The following DCC variants were observed in gnomAD, a reference collection of about 807,000 sequenced individuals.
The protein encoded by DCC is netrin receptor DCC.
DCC carries 58 observed loss-of-function variants against 172.5 expected under a neutral mutation model. The ratio of observed to expected loss-of-function variants is 0.34; its 90% confidence interval spans 0.27 to 0.42. The LOEUF is 0.42. Among genes scored for constraint, DCC ranks in the 10% least tolerant of loss-of-function variants. DCC has a pLI of 1.00. For missense variants in DCC, 1,740 were observed against 1,791.0 expected, an observed-to-expected ratio of 0.97 and a Z score of 0.51; for synonymous variants, 709 against 644.5, an observed-to-expected ratio of 1.10 and a Z score of -1.52.
intron 1 of DCC, among the ~76,000 whole-genome samples, chr18:52,692,436 T>C (rs868082886): frequency 9.2e-5 from 14 of 152,150 alleles, no homozygotes; most frequent in Non-Finnish European, 1.9e-4. Context: ...AGTCTCTCTC[T>C]GTATTTTATT....
intron 1 of DCC, among the ~76,000 whole-genome samples, chr18:52,345,338 A>C: frequency 6.6e-6 from 1 of 152,228 alleles, no homozygotes; most frequent in East Asian, 1.9e-4. Context: ...AGTAAATACT[A>C]TGCACATTTA....
At chr18:53,250,019 C>T (rs2056410190) in intron 12 of DCC, among the ~76,000 whole-genome samples, 3 of 152,012 alleles carry the variant, frequency 2.0e-5, no homozygotes, top group East Asian at 1.9e-4. Context: ...TAAGGCTCTT[C>T]GTGAAGATCT....
chr18:52,941,529 C>T (rs965936963), intron 5 of DCC, among the ~76,000 whole-genome samples: 48 of 149,776 alleles, frequency 3.2e-4, no homozygotes, highest in Non-Finnish European at 3.4e-4. Flanking sequence ...CACTTGTATG[C>T]ATATATGTAA....
chr18:52,740,021 C>T (rs1323070628), intron 1 of DCC, among the ~76,000 whole-genome samples: 1 of 152,084 alleles, frequency 6.6e-6, no homozygotes, highest in Non-Finnish European at 1.5e-5. Flanking sequence ...ATGCAGTAAG[C>T]CCTTTTAAGT....
At chr18:52,778,402 T>C (rs1371195569) in intron 2 of DCC, among the ~76,000 whole-genome samples, 1 of 152,224 alleles carries the variant, frequency 6.6e-6, no homozygotes, top group Admixed American at 6.5e-5. Flanking sequence ...AATGCCTATT[T>C]CACTATTAAA....
At chr18:53,060,462 C>G (rs2042477792) in intron 5 of DCC, among the ~76,000 whole-genome samples, 1 of 152,018 alleles carries the variant, frequency 6.6e-6, no homozygotes, top group Non-Finnish European at 1.5e-5. Context: ...ATAAAGATAT[C>G]AAGATAGCCA....
chr18:52,794,596 T>C (rs1403806448), intron 2 of DCC, among the ~76,000 whole-genome samples: 1 of 152,072 alleles, frequency 6.6e-6, no homozygotes, highest in African/African-American at 2.4e-5. Context: ...GGGATGATTG[T>C]TCTTTCTTTT....
intron 6 of DCC, chr18:53,063,738 A>G (rs551805208): frequency 5.4e-6 from 2 of 367,320 alleles, no homozygotes; most frequent in East Asian, 6.5e-5. Flanking sequence ...AGTATTTCTG[A>G]GTAGTTTCAC....
At chr18:53,373,459 G>T (rs1327481729) in intron 15 of DCC, among the ~76,000 whole-genome samples, 1 of 152,044 alleles carries the variant, frequency 6.6e-6, no homozygotes, top group African/African-American at 2.4e-5. Flanking sequence ...TTGGCCAGAA[G>T]CTATATTTAT....
Position 52,923,867 on chromosome 18 carries a change from A to G in DCC, c.848+10A>G. 1 of 1,609,468 alleles carries G rather than the reference A, an allele frequency of 6.2e-7. No homozygotes were observed. The highest frequency in any genetic ancestry group is 2.2e-5 in the East Asian group (1 of 44,814). On this transcript the variant is annotated intron_variant, in intron 4 of 28. Coordinates refer to ENST00000442544, the MANE Select transcript of DCC (RefSeq NM_005215.4). ...AAGTCATCCAACTCAGGTATTTCACATTTAAGACTTTTTTGTAAAGTGTAC... is the reference window on the plus strand; with the variant it reads ...AAGTCATCCAACTCAGGTATTTCACGTTTAAGACTTTTTTGTAAAGTGTAC...
intron 5 of DCC, among the ~76,000 whole-genome samples, chr18:52,968,870 T>G (rs1289989173): frequency 6.6e-6 from 1 of 152,202 alleles, no homozygotes; most frequent in Non-Finnish European, 1.5e-5. Context: ...TATTTGCTGT[T>G]TATCTGAAAT....
At chr18:52,451,150 A>C (rs1988291242) in intron 1 of DCC, among the ~76,000 whole-genome samples, 1 of 152,122 alleles carries the variant, frequency 6.6e-6, no homozygotes, top group African/African-American at 2.4e-5. Flanking sequence ...CCAGACCCAA[A>C]GTATGTCTTT....
intron 3 of DCC, among the ~76,000 whole-genome samples, chr18:52,912,959 G>T (rs2039992080): frequency 6.6e-6 from 1 of 151,998 alleles, no homozygotes; most frequent in African/African-American, 2.4e-5. Context: ...ATATGAGATT[G>T]TTCTATTTTT....
intron 1 of DCC, among the ~76,000 whole-genome samples, chr18:52,404,300 T>A (rs1264498762): frequency 1.3e-5 from 2 of 152,000 alleles, no homozygotes; most frequent in Non-Finnish European, 2.9e-5. Context: ...CTTCCATAGG[T>A]CAGGCTGACT....
chr18:53,376,466 T>C (rs924172708), intron 15 of DCC, among the ~76,000 whole-genome samples: 5 of 152,214 alleles, frequency 3.3e-5, no homozygotes, highest in Admixed American at 1.3e-4. Flanking sequence ...CTAAATGTGA[T>C]GATGAAAGCT....
chr18:52,624,770 GGGCATA>G (rs1241747436), intron 1 of DCC, among the ~76,000 whole-genome samples: 2 of 152,120 alleles, frequency 1.3e-5, no homozygotes, highest in Non-Finnish European at 2.9e-5. Flanking sequence ...AGAGGCACAG[GGGCATA>G]GGCAGGCTTT....
At position 53,130,700 on chromosome 18, in the gene DCC, T is replaced by C. The variant is rs2144317935; in HGVS notation, c.1262-26656T>C. ...TGTATTATCAGGCTGTCCTGGGATC[T>C]GTAGGGTGGGTCCTTTGCTTCCCAA... On this transcript the variant is annotated intron_variant, in intron 7 of 28. Transcript: ENST00000442544. Among the ~76,000 whole-genome samples, 3 of 152,262 alleles carry C rather than the reference T, an allele frequency of 2.0e-5. No individual in the cohort carries two copies. The South Asian group carries it at 6.2e-4, about 32-fold the overall frequency.
In DCC at chr18:53,486,238, C is replaced by A. The variant is rs147801690; in HGVS notation, c.3737-559C>A. Among the ~76,000 whole-genome samples the A allele has an allele frequency of 4.5e-3, 687 of 152,212 alleles. 10 individuals carry two copies. The highest frequency in any genetic ancestry group is 0.014 in the Middle Eastern group (4 of 294). ...AAACATTCAGTTACACTTAATATGT[C>A]ACTCACCTGCACTGATTTGGGTATT... On this transcript the variant is annotated intron_variant, in intron 25 of 28. Transcript: ENST00000442544.
At chr18:53,053,739 C>T (rs1486298009) in intron 5 of DCC, among the ~76,000 whole-genome samples, 1 of 152,090 alleles carries the variant, frequency 6.6e-6, no homozygotes, top group African/African-American at 2.4e-5. Flanking sequence ...TGTCAGTATG[C>T]ATTGTTTGGG....
Sources: allele counts gnomAD v4.1 joint callset (sites outside exome capture counted in the v4.1 genomes callset), GRCh38; gene constraint gnomAD v4.1.1; transcripts MANE v1.5; gene names NCBI Gene and HGNC (gene_info 2026-07-23, HGNC 2026-07-21).